GMDS: variants seen among roughly 807,000 people sequenced by gnomAD.
GMDS encodes GDP-mannose 4,6-dehydratase.
A neutral mutation model predicts 49.9 loss-of-function variants in GMDS; 20 were observed. The observed-to-expected ratio is 0.40, with a 90% CI of 0.28 to 0.58. The LOEUF is 0.58. GMDS is among the 20% of genes least tolerant of loss of function. The pLI, the probability that GMDS is intolerant of heterozygous loss-of-function variation, is 0.42. For synonymous variants in GMDS, 177 were observed against 178.6 expected (o/e 0.99, Z 0.07); for missense variants, 362 against 481.4 (o/e 0.75, Z 2.32).
At chr6:2,161,645 C>T (rs1441151182) in intron 1 of GMDS, among the ~76,000 whole-genome samples, 1 of 152,140 alleles carries the variant, frequency 6.6e-6, no homozygotes, top group African/African-American at 2.4e-5. Context: ...TGGGGGAACC[C>T]CCAATTCCCC....
At chr6:1,825,423 A>C (rs1270109056) in intron 7 of GMDS, among the ~76,000 whole-genome samples, 1 of 152,236 alleles carries the variant, frequency 6.6e-6, no homozygotes, top group Non-Finnish European at 1.5e-5. Flanking sequence ...TGGTGAATAA[A>C]TACTGCCAGT....
Position 1,666,605 on chromosome 6 carries a change from C to T in GMDS, c.988-42065G>A, listed in dbSNP as rs138204630. Among the ~76,000 whole-genome samples the T allele has an allele frequency of 2.8e-3, 419 of 152,296 alleles. 1 individual carries two copies. The highest frequency in any genetic ancestry group is 9.2e-3 in the African/African-American group (381 of 41,556). ...ATGAAATTATACAGTCAGCTTTTCACGTGACGGTGGTGTGATCACTAATGG... is the reference window on the plus strand; with the variant it reads ...ATGAAATTATACAGTCAGCTTTTCATGTGACGGTGGTGTGATCACTAATGG... On this transcript the variant is annotated intron_variant, in intron 9 of 10. Transcript: ENST00000380815.
chr6:1,719,357 C>G (rs1354391362), intron 9 of GMDS, among the ~76,000 whole-genome samples: 1 of 152,078 alleles, frequency 6.6e-6, no homozygotes, highest in Non-Finnish European at 1.5e-5. Flanking sequence ...GCGCAGAGCC[C>G]ACGGTAGATG....
chr6:2,178,426 G>A (rs1463869704), intron 1 of GMDS, among the ~76,000 whole-genome samples: 1 of 152,122 alleles, frequency 6.6e-6, no homozygotes, highest in African/African-American at 2.4e-5. Flanking sequence ...GGTGCCACAT[G>A]CTTTAAACAA....
At chr6:2,126,530 T>A (rs905947087) in intron 1 of GMDS, among the ~76,000 whole-genome samples, 4 of 152,192 alleles carry the variant, frequency 2.6e-5, no homozygotes, top group Non-Finnish European at 4.4e-5. Flanking sequence ...CAAGTGTGTG[T>A]TTACTACATT....
chr6:1,758,023 G>A (rs1768016680), intron 7 of GMDS, among the ~76,000 whole-genome samples: 1 of 152,202 alleles, frequency 6.6e-6, no homozygotes, highest in South Asian at 2.1e-4. Context: ...CCACTCAGAA[G>A]AGGCACAATT....
At chr6:1,912,323 G>A (rs764499006) in intron 7 of GMDS, among the ~76,000 whole-genome samples, 14 of 152,134 alleles carry the variant, frequency 9.2e-5, no homozygotes, top group African/African-American at 2.9e-4. Flanking sequence ...CCAAGATCAC[G>A]CCACTGCACT....
At chr6:1,857,170 A>C (rs1757975208) in intron 7 of GMDS, among the ~76,000 whole-genome samples, 2 of 152,224 alleles carry the variant, frequency 1.3e-5, no homozygotes, top group Non-Finnish European at 2.9e-5. Flanking sequence ...AAAGTATAAA[A>C]GGAAGTGGGT....
In GMDS at chr6:1,703,824, C is replaced by A. The variant is rs151255478; in HGVS notation, c.987+22592G>T. Among the ~76,000 whole-genome samples, 598 of 152,370 alleles carry A rather than the reference C, an allele frequency of 3.9e-3. 5 individuals are homozygous for A. The highest frequency in any genetic ancestry group is 0.011 in the African/African-American group (447 of 41,590). On this transcript the variant is annotated intron_variant, in intron 9 of 10. Coordinates refer to ENST00000380815, the MANE Select transcript of GMDS (RefSeq NM_001500.4). ...CCAAGGCTGTTTTATTTTTGGCACA[C>A]TGTGAAGTTGTATTTCTCCCACAAC...
Position 1,664,656 on chromosome 6 carries a change from T to C in GMDS, c.988-40116A>G, listed in dbSNP as rs146638656. Among the ~76,000 whole-genome samples, 406 of 152,318 alleles carry C rather than the reference T, an allele frequency of 2.7e-3. 1 individual carries two copies. Among genetic ancestry groups the C allele is most frequent in the South Asian group, 7.5e-3 (36 of 4,822 alleles). ...ACTGTGTCACTCTGTCACATTGACA[T>C]GTTTGAGACTCATGTAAACTATTCC... On this transcript the variant is annotated intron_variant, in intron 9 of 10. Transcript: ENST00000380815.
intron 1 of GMDS, among the ~76,000 whole-genome samples, chr6:2,204,372 CAT>C (rs1779690977): frequency 6.6e-6 from 1 of 152,174 alleles, no homozygotes; most frequent in Admixed American, 6.5e-5. Context: ...TATCTTCCTG[CAT>C]ACATCCCTTA....
Position 2,065,597 on chromosome 6 carries a change from C to G in GMDS, c.345+50174G>C, listed in dbSNP as rs943887428. The stretch of plus-strand genomic sequence containing the variant: ...TTAAAGGAGCTGATGGAGCTGAAAA[C>G]CAAGGCTCGAGAACTACGTGAAGAA... On this transcript the variant is annotated intron_variant, in intron 4 of 10. Coordinates refer to ENST00000380815, the MANE Select transcript of GMDS (RefSeq NM_001500.4). 3.3e-5 allele frequency among the ~76,000 whole-genome samples: 5 copies of G among 152,206 alleles called. No homozygotes were observed. In the South Asian group the frequency reaches 1.0e-3, roughly 32 times the overall value.
At chr6:1,893,183 T>G (rs960765451) in intron 7 of GMDS, among the ~76,000 whole-genome samples, 86 of 149,058 alleles carry the variant, frequency 5.8e-4, no homozygotes, top group Non-Finnish European at 8.9e-5. Context: ...CATCTCTGGT[T>G]TTTTGTTTTC....
At chr6:1,933,563 T>C (rs1762390890) in intron 6 of GMDS, among the ~76,000 whole-genome samples, 1 of 152,226 alleles carries the variant, frequency 6.6e-6, no homozygotes, top group South Asian at 2.1e-4. Context: ...GTCATGCTAG[T>C]TGGCACCGAG....
intron 7 of GMDS, among the ~76,000 whole-genome samples, chr6:1,764,157 T>C (rs1020044401): frequency 1.3e-5 from 2 of 152,108 alleles, no homozygotes; most frequent in African/African-American, 2.4e-5. Context: ...TGCTGGTAAC[T>C]GAGAAGGCCT....
chr6:1,891,250 C>T (rs1759855068), intron 7 of GMDS, among the ~76,000 whole-genome samples: 1 of 152,178 alleles, frequency 6.6e-6, no homozygotes, highest in South Asian at 2.1e-4. Context: ...CAAATCAAAT[C>T]CTCACTACTG....
At chr6:1,839,839 G>C (rs569499435) in intron 7 of GMDS, among the ~76,000 whole-genome samples, 2 of 152,282 alleles carry the variant, frequency 1.3e-5, no homozygotes, top group African/African-American at 4.8e-5. Flanking sequence ...GAGGGGACGT[G>C]GGTTGCTCTT....
chr6:1,901,048 TCA>T (rs1182973779), intron 7 of GMDS, among the ~76,000 whole-genome samples: 5 of 152,332 alleles, frequency 3.3e-5, no homozygotes, highest in Non-Finnish European at 7.3e-5. Flanking sequence ...ACCATCCACG[TCA>T]GAGAACGGCG....
At chr6:2,108,705 T>C (rs978929734) in intron 4 of GMDS, among the ~76,000 whole-genome samples, 2 of 152,214 alleles carry the variant, frequency 1.3e-5, no homozygotes, top group Non-Finnish European at 2.9e-5. Flanking sequence ...ATCAGAGTCC[T>C]GCGGTATCTT....
Sources: gnomAD v4.1 joint callset for allele counts (sites outside exome capture counted in the v4.1 genomes callset) on GRCh38, gnomAD v4.1.1 for gene constraint, MANE v1.5 for transcripts, NCBI Gene and HGNC (gene_info 2026-07-23, HGNC 2026-07-21) for gene names.